The following VAMP7 variants were observed in gnomAD, a reference collection of about 807,000 sequenced individuals.
VAMP7 encodes vesicle associated membrane protein 7.
A neutral mutation model predicts 29.6 loss-of-function variants in VAMP7; 14 were observed. The ratio of observed to expected loss-of-function variants is 0.47; its 90% CI spans 0.31 to 0.74. The LOEUF (loss-of-function observed/expected upper bound fraction) is 0.74. Among genes scored for constraint, VAMP7 ranks in the 30% least tolerant of loss-of-function variants. The pLI, the probability that VAMP7 is intolerant of heterozygous loss-of-function variation, is 0.05. For synonymous variants in VAMP7, 95 were observed against 88.1 expected (o/e 1.08, Z -0.44); for missense variants, 223 against 262.4 (o/e 0.85, Z 1.04).
intron 5 of VAMP7, among the ~76,000 whole-genome samples, chrX:155,913,061 G>A (rs145612296): frequency 2.4e-3 from 371 of 152,028 alleles, no homozygotes; most frequent in African/African-American, 8.5e-3. Context: ...TTTAATGGTC[G>A]CCATTCTTAC....
intron 5 of VAMP7, among the ~76,000 whole-genome samples, chrX:155,902,408 G>A (rs1008754630): frequency 1.7e-4 from 25 of 149,610 alleles, no homozygotes; most frequent in Non-Finnish European, 2.4e-4. Context: ...ACACTATGTT[G>A]AATAGGAGTG....
At position 155,898,319 on chromosome X, in the gene VAMP7, A is replaced by C. The variant is rs995428338; in HGVS notation, c.342+70A>C. The C allele has an allele frequency of 2.6e-6, 4 of 1,564,864 alleles. No individual in the cohort carries two copies. The African/African-American group carries it at 4.1e-5, about 16-fold the overall frequency. On this transcript the variant is annotated intron_variant, in intron 4 of 7. Transcript: ENST00000286448. The stretch of plus-strand genomic sequence containing the variant: ...CATTACCTTCAAACACTATGAATCT[A>C]GGGGGCCCTGACCTGCAATATAGTT...
At chrX:155,916,726 CT>C (rs1391237036) in intron 5 of VAMP7, among the ~76,000 whole-genome samples, 1 of 152,152 alleles carries the variant, frequency 6.6e-6, no homozygotes, top group Non-Finnish European at 1.5e-5. Context: ...GAGAGATCTG[CT>C]GTTAGTCTGA....
chrX:155,931,339 T>C (rs2066550753), intron 6 of VAMP7, among the ~76,000 whole-genome samples: 1 of 152,168 alleles, frequency 6.6e-6, no homozygotes, highest in Admixed American at 6.5e-5. Flanking sequence ...AGTGTAAAAG[T>C]GTTCCTGTTT....
At chrX:155,916,747 C>G (rs2066319347) in intron 5 of VAMP7, among the ~76,000 whole-genome samples, 2 of 152,118 alleles carry the variant, frequency 1.3e-5, no homozygotes, top group South Asian at 4.2e-4. Flanking sequence ...ATGGGCTTCC[C>G]TTTGTGGGTA....
intron 7 of VAMP7, 150 bp downstream of exon 7, chrX:155,939,943 A>C (rs1271169671): frequency 1.5e-6 from 1 of 672,992 alleles, no homozygotes; most frequent in African/African-American, 1.8e-5. Context: ...CTTTCCTATG[A>C]AGTCACTATG....
chrX:155,895,767 C>G, intron 3 of VAMP7, 87 bp downstream of exon 3: 1 of 1,179,184 alleles, frequency 8.5e-7, no homozygotes, highest in Non-Finnish European at 1.3e-6. Context: ...GGGTCCCCAA[C>G]CCCCAGGCTG....
chrX:155,942,908 A>C lies in VAMP7; in HGVS notation c.*957A>C, dbSNP rs1322951844. On this transcript the variant is annotated 3_prime_UTR_variant, in exon 8 of 8. Coordinates refer to ENST00000286448, the MANE Select transcript of VAMP7 (RefSeq NM_005638.6). Reference sequence around the variant, plus strand: ...AAAGCCCAAACCGAATACGGTCAGCAGTCAACTCCAGGGTTTGGGCTTGAT... The same window carrying C: ...AAAGCCCAAACCGAATACGGTCAGCCGTCAACTCCAGGGTTTGGGCTTGAT... 6.6e-6 allele frequency: 1 copy of C among 151,946 alleles called. No homozygotes were observed. Among genetic ancestry groups the C allele is most frequent in the African/African-American group, 2.4e-5 (1 of 41,354 alleles). 9.4% of individuals were successfully genotyped at this position (151,946 alleles called of 1,614,324 possible).
intron 6 of VAMP7, among the ~76,000 whole-genome samples, chrX:155,931,968 CT>C (rs2066564909): frequency 6.6e-6 from 1 of 152,122 alleles, no homozygotes; most frequent in African/African-American, 2.4e-5. Flanking sequence ...ATAGGGAATC[CT>C]TTCCCCATTT....
chrX:155,909,453 A>G (rs1048146812), intron 5 of VAMP7, among the ~76,000 whole-genome samples: 5 of 151,930 alleles, frequency 3.3e-5, no homozygotes, highest in African/African-American at 4.8e-5. Context: ...TTTTTTTTCT[A>G]TAGTTTTTCT....
At chrX:155,939,856 A>T (rs2066718204) in intron 7 of VAMP7, 63 bp downstream of exon 7, 4 of 1,308,020 alleles carry the variant, frequency 3.1e-6, no homozygotes, top group African/African-American at 1.5e-5. Context: ...TAGGTACTAG[A>T]ATTATTTCTC....
At chrX:155,926,937 A>G (rs1478840185) in intron 6 of VAMP7, among the ~76,000 whole-genome samples, 1 of 152,216 alleles carries the variant, frequency 6.6e-6, no homozygotes, top group Non-Finnish European at 1.5e-5. Flanking sequence ...AACAGTTAGA[A>G]CACACAACAT....
intron 2 of VAMP7, 125 bp downstream of exon 2, chrX:155,889,737 C>A (rs1367807597): frequency 1.6e-5 from 17 of 1,049,512 alleles, no homozygotes; most frequent in East Asian, 2.7e-5. Flanking sequence ...AGAATAGTAA[C>A]CTTCACCAAC....
In VAMP7 at chrX:155,895,678, G is replaced by T. The variant is rs1397336378; in HGVS notation, c.202G>T (p.Asp68Tyr). ...DRIVYLCITD[D>Y]DFERSRAFNF... ...GATTGTATATCTTTGTATCACTGAT[G>T]ATGTAAGTAACTTGAAGACATATTG... The change falls in exon 3 of 8, where the codon GAT (aspartate) becomes TAT (tyrosine). Residue 68 changes from aspartate (D) to tyrosine (Y), a missense_variant and splice_region_variant. Transcript: ENST00000286448. 3.7e-6 allele frequency: 6 copies of T among 1,607,578 alleles called. No homozygotes were observed. Among genetic ancestry groups the T allele is most frequent in the Non-Finnish European group, 5.1e-6 (6 of 1,174,438 alleles).
chrX:155,888,619 C>A (rs933252993), intron 1 of VAMP7, among the ~76,000 whole-genome samples: 5 of 152,154 alleles, frequency 3.3e-5, no homozygotes, highest in African/African-American at 9.7e-5. Flanking sequence ...CATAGGCAGA[C>A]ATAAGGAAAA....
chrX:155,937,750 T>C (rs2066683257), intron 6 of VAMP7, among the ~76,000 whole-genome samples: 1 of 152,138 alleles, frequency 6.6e-6, no homozygotes, highest in Non-Finnish European at 1.5e-5. Context: ...TATTGATCCT[T>C]CTCTTTTGGC....
At chrX:155,920,740 G>A (rs755225338) in intron 6 of VAMP7, among the ~76,000 whole-genome samples, 1 of 152,286 alleles carries the variant, frequency 6.6e-6, no homozygotes, top group Non-Finnish European at 1.5e-5. Context: ...CCACTTCAGA[G>A]CATTTTAAGG....
chrX:155,890,890 C>CT (rs1287440999), intron 2 of VAMP7, among the ~76,000 whole-genome samples: 2 of 152,140 alleles, frequency 1.3e-5, no homozygotes, highest in Admixed American at 1.3e-4. Context: ...CTCTAAGCTA[C>CT]TATGAGAGAG....
intron 5 of VAMP7, 56 bp from the exon 6 acceptor site, chrX:155,919,757 T>A: frequency 6.7e-7 from 1 of 1,502,794 alleles, no homozygotes; most frequent in East Asian, 2.3e-5. Context: ...TTAAAAAAAG[T>A]TTATTTTATT....
Sources: allele counts gnomAD v4.1 joint callset (sites outside exome capture counted in the v4.1 genomes callset), GRCh38; gene constraint gnomAD v4.1.1; transcripts MANE v1.5; gene names NCBI Gene and HGNC (gene_info 2026-07-23, HGNC 2026-07-21).